AP1M2: variants seen among roughly 807,000 people sequenced by gnomAD.
AP1M2 encodes AP-1 complex subunit mu-2.
In AP1M2, 41 loss-of-function variants were observed where a neutral mutation model predicts 54.6. The observed-to-expected ratio is 0.75, with a 90% confidence interval of 0.59 to 0.97. AP1M2 has a LOEUF of 0.97. Among genes scored for constraint, AP1M2 ranks in the 50% least tolerant of loss-of-function variants. AP1M2 has a pLI of 0.00. For missense variants in AP1M2, 507 were observed against 561.2 expected, an observed-to-expected ratio of 0.90 and a Z score of 0.98; for synonymous variants, 219 against 215.9, an observed-to-expected ratio of 1.01 and a Z score of -0.13.
At chr19:10,585,132 T>C in intron 1 of AP1M2, 1 of 151,266 alleles carries the variant, frequency 6.6e-6, no homozygotes. Flanking sequence ...GAAGAATCAA[T>C]TGAGCCTAGG....
chr19:10,573,793 C>G (rs894401891), intron 11 of AP1M2, among the ~76,000 whole-genome samples: 7 of 150,388 alleles, frequency 4.7e-5, no homozygotes, highest in African/African-American at 1.7e-4. Context: ...TCCTGAGTTG[C>G]TGGGACTACA....
Position 10,572,703 on chromosome 19 carries a change from CAG to C in AP1M2, c.*361_*362del, listed in dbSNP as rs976497793. ...ATCTTTTTAATGACATCCTAAAATT[CAG>C]AGGAGGGGCCAGCGGGACCTCTGGG... is the stretch of plus-strand genomic sequence containing the variant. On this transcript the variant is annotated 3_prime_UTR_variant, in exon 12 of 12. Coordinates refer to ENST00000250244, the MANE Select transcript of AP1M2 (RefSeq NM_005498.5). 5.0e-5 allele frequency: 12 copies of C among 239,074 alleles called. No homozygotes were observed. In the Admixed American group the frequency reaches 5.9e-4, roughly 12 times the overall value. The allele number at this position is 239,074 out of a possible 1,614,324, so 14.8% of individuals were successfully genotyped here.
chr19:10,581,653 G>A lies in AP1M2; in HGVS notation c.399-19C>T, dbSNP rs377099427. ...GATGTACCTGGAGGGAGGGCGGCAG[G>A]GACAAGCAGCTGGACCCAGGGACAC... On this transcript the variant is annotated intron_variant, in intron 4 of 11. Coordinates refer to ENST00000250244, the MANE Select transcript of AP1M2 (RefSeq NM_005498.5). 6 of 1,613,384 alleles carry A rather than the reference G, an allele frequency of 3.7e-6. No homozygotes were observed. In the Admixed American group the frequency reaches 8.3e-5, roughly 22 times the overall value.
At chr19:10,577,430 T>TC in intron 8 of AP1M2, 74 bp from the exon 9 acceptor site, 1 of 829,336 alleles carries the variant, frequency 1.2e-6, no homozygotes, top group East Asian at 5.8e-5. Flanking sequence ...GCCCTTTTTT[T>TC]TTTTTTTTTT....
intron 6 of AP1M2, among the ~76,000 whole-genome samples, chr19:10,580,662 A>C (rs1019960338): frequency 6.6e-6 from 1 of 151,902 alleles, no homozygotes; most frequent in Non-Finnish European, 1.5e-5. Context: ...ACTCCATCTT[A>C]AATCAATCAA....
In AP1M2 at chr19:10,581,895, A is replaced by G; in HGVS notation, c.268-17T>C. ...GCAGAATACCTGGGGGTTGGAGGAG[A>G]GAGAGACCCACAAAAGTGTGGCTAT... On this transcript the variant is annotated splice_polypyrimidine_tract_variant and intron_variant, in intron 3 of 11. Transcript: ENST00000250244. The G allele has an allele frequency of 6.4e-7, 1 of 1,572,054 alleles. No individual in the cohort carries two copies.
chr19:10,579,177 G>A (rs192083814), intron 7 of AP1M2, among the ~76,000 whole-genome samples: 2 of 152,112 alleles, frequency 1.3e-5, no homozygotes, highest in African/African-American at 4.8e-5. Context: ...AGCACTTTGG[G>A]AGGCCAAGGT....
rs1217695466 is a variant in AP1M2, at chr19:10,573,093, A to G, written c.1250-5T>C. ...AGCTGGTACGAAGTTGGTAATCTGC[A>G]GAGAAAGAATGAGGAGGGGCCATCT... On this transcript the variant is annotated splice_region_variant and splice_polypyrimidine_tract_variant and intron_variant, in intron 11 of 11. Coordinates refer to ENST00000250244, the MANE Select transcript of AP1M2 (RefSeq NM_005498.5). 6.4e-7 allele frequency: 1 copy of G among 1,562,858 alleles called. No homozygotes were observed. The highest frequency in any genetic ancestry group is 1.4e-5 in the African/African-American group (1 of 73,584).
At chr19:10,578,749 G>A (rs1284202420) in intron 8 of AP1M2, 143 bp downstream of exon 8, 20 of 532,014 alleles carry the variant, frequency 3.8e-5, no homozygotes, top group East Asian at 9.2e-5. Context: ...ACAGGGTTTC[G>A]CCCTGTTGCC....
At chr19:10,577,670 C>T (rs976361428) in intron 8 of AP1M2, among the ~76,000 whole-genome samples, 3 of 149,922 alleles carry the variant, frequency 2.0e-5, no homozygotes, top group Admixed American at 6.7e-5. Context: ...CTCCTGACCT[C>T]GTGATCCGCC....
At chr19:10,585,394 C>A (rs1015738176) in intron 1 of AP1M2, among the ~76,000 whole-genome samples, 4 of 152,042 alleles carry the variant, frequency 2.6e-5, no homozygotes, top group African/African-American at 9.7e-5. Flanking sequence ...GTCAGGAAGA[C>A]ACCCATAATA....
chr19:10,583,087 A>G (rs529452913), intron 3 of AP1M2, among the ~76,000 whole-genome samples: 28 of 151,204 alleles, frequency 1.9e-4, no homozygotes, highest in Admixed American at 1.4e-3. Context: ...TAGCCTCCCA[A>G]AGTACTGGGA....
At position 10,574,952 on chromosome 19, in the gene AP1M2, G is replaced by A. The variant is rs745694140; in HGVS notation, c.1125C>T (p.Pro375=). 3.8e-6 allele frequency: 6 copies of A among 1,595,402 alleles called. No homozygotes were observed. The Admixed American group carries it at 1.0e-4, about 28-fold the overall frequency. The change falls in exon 10 of 12, where the codon CCC becomes CCT. Residue 375 remains proline (P), a synonymous_variant. Transcript: ENST00000250244. ...VEKEEVEGRP[P]IGVKFEIPYF... is the part of the protein sequence containing the mutation. ...AGGGGATCTCAAACTTGACCCCGAT[G>A]GGGGGCCGGCCCTCCACCTCTTCCT...
rs141701580 is a variant in AP1M2, at chr19:10,581,451, C to T, written c.546+36G>A. On this transcript the variant is annotated intron_variant, in intron 5 of 11. Transcript: ENST00000250244. ...TCAAACTCCGTCTCCTGCAGCCAGG[C>T]CGTGGAAGGGGTGCCGGGGAGGTGT... The T allele has an allele frequency of 1.1e-5, 18 of 1,610,970 alleles. No homozygotes were observed. In the African/African-American group the frequency reaches 2.1e-4, roughly 19 times the overall value.
chr19:10,583,529 G>A, intron 3 of AP1M2, 77 bp downstream of exon 3: 2 of 1,177,586 alleles, frequency 1.7e-6, no homozygotes, highest in Non-Finnish European at 2.4e-6. Context: ...TATCAGAAAA[G>A]GATCTTGAAT....
intron 1 of AP1M2, among the ~76,000 whole-genome samples, chr19:10,585,315 GAAAGAAAGAAAGAAAGAAAGAA>G (rs1568434836): frequency 1.5e-4 from 21 of 141,734 alleles, no homozygotes; most frequent in African/African-American, 5.0e-4. Context: ...AAGAAAGAAA[GAAAGAAAGAAAGAAAGAAAGAA>G]AGAAAGAAAG....
chr19:10,584,916 A>AAAC (rs908187035), intron 1 of AP1M2: 3 of 151,400 alleles, frequency 2.0e-5, no homozygotes, highest in African/African-American at 4.8e-5. Flanking sequence ...TTATTTAAAA[A>AAAC]AACAACAACA....
intron 9 of AP1M2, among the ~76,000 whole-genome samples, chr19:10,576,089 C>G (rs993191478): frequency 3.5e-5 from 4 of 113,804 alleles, no homozygotes; most frequent in African/African-American, 1.5e-4. Context: ...TTTCTTTTTT[C>G]TAAGTTTTTT....
At chr19:10,576,124 C>T (rs1917225858) in intron 9 of AP1M2, among the ~76,000 whole-genome samples, 1 of 148,156 alleles carries the variant, frequency 6.7e-6, no homozygotes, top group Non-Finnish European at 1.5e-5. Context: ...CAGAGTTTCA[C>T]TCTGTCACCC....
Sources: gnomAD v4.1 joint callset for allele counts (sites outside exome capture counted in the v4.1 genomes callset) on GRCh38, gnomAD v4.1.1 for gene constraint, MANE v1.5 for transcripts, NCBI Gene and HGNC (gene_info 2026-07-23, HGNC 2026-07-21) for gene names.